GRIA2: variants seen among roughly 807,000 people sequenced by gnomAD.
GRIA2 encodes the protein glutamate receptor 2.
In GRIA2, 14 loss-of-function variants were observed where a neutral mutation model predicts 97.3. The observed-to-expected ratio is 0.14, with a 90% CI of 0.10 to 0.23. GRIA2 has a LOEUF of 0.23. GRIA2 is among the 10% of genes least tolerant of loss of function. The pLI is 1.00. For missense variants in GRIA2, 558 were observed against 1,069.8 expected (o/e 0.52, Z 6.67); for synonymous variants, 412 against 387.8 (o/e 1.06, Z -0.73).
chr4:157,297,825 G>T (rs566630168), intron 2 of GRIA2, among the ~76,000 whole-genome samples: 2 of 151,704 alleles, frequency 1.3e-5, no homozygotes, highest in Non-Finnish European at 2.9e-5. Context: ...GTTCATGAAA[G>T]AATTGAATAT....
At chr4:157,228,049 C>T (rs1057470057) in intron 2 of GRIA2, among the ~76,000 whole-genome samples, 4 of 152,134 alleles carry the variant, frequency 2.6e-5, no homozygotes, top group Non-Finnish European at 5.9e-5. Context: ...ATAATTTTAA[C>T]TTATAGAATG....
At chr4:157,333,601 G>A (rs1163516589) in intron 8 of GRIA2, among the ~76,000 whole-genome samples, 2 of 152,006 alleles carry the variant, frequency 1.3e-5, no homozygotes, top group Non-Finnish European at 2.9e-5. Flanking sequence ...TGAAGGGGAA[G>A]TCTTTAATGA....
intron 2 of GRIA2, among the ~76,000 whole-genome samples, chr4:157,296,978 A>C (rs934313163): frequency 6.6e-6 from 1 of 152,196 alleles, no homozygotes; most frequent in Non-Finnish European, 1.5e-5. Flanking sequence ...CTTGTAATTC[A>C]GACCACACAG....
intron 9 of GRIA2, chr4:157,335,361 A>T: frequency 3.0e-6 from 1 of 337,410 alleles, no homozygotes. Flanking sequence ...GAGCAGTAAT[A>T]TTTTGCTCTA....
At chr4:157,332,480 A>G (rs1369225765) in intron 6 of GRIA2, among the ~76,000 whole-genome samples, 2 of 151,960 alleles carry the variant, frequency 1.3e-5, no homozygotes, top group African/African-American at 4.8e-5. Flanking sequence ...AGTTTTGTAT[A>G]TCACCATAGC....
intron 2 of GRIA2, among the ~76,000 whole-genome samples, chr4:157,242,145 A>G (rs1730538263): frequency 6.6e-6 from 1 of 152,078 alleles, no homozygotes; most frequent in Non-Finnish European, 1.5e-5. Flanking sequence ...TATCTTCAGC[A>G]TATGGTTTTG....
At chr4:157,260,045 T>A (rs1481830409) in intron 2 of GRIA2, among the ~76,000 whole-genome samples, 1 of 152,150 alleles carries the variant, frequency 6.6e-6, no homozygotes, top group East Asian at 1.9e-4. Flanking sequence ...ATTGTCCTTT[T>A]TTCTTGTAAA....
chr4:157,360,172 A>C, intron 13 of GRIA2, 29 bp downstream of exon 13: 1 of 1,602,486 alleles, frequency 6.2e-7, no homozygotes, highest in Non-Finnish European at 8.5e-7. Context: ...CAATATGCTA[A>C]ATGTTGTTAT....
In GRIA2 at chr4:157,341,551, T is replaced by C; in HGVS notation, c.2043+89T>C. 3.4e-6 allele frequency: 3 copies of C among 876,602 alleles called. No homozygotes were observed. In the South Asian group the frequency reaches 4.3e-5, roughly 13 times the overall value. The allele number at this position is 876,602 out of a possible 1,614,324, so 54.3% of individuals were successfully genotyped here. ...TTCCCTCCCATAGTCAATTCCAAGG[T>C]ACTATGTGAAAGCACCCCTAATTCT... On this transcript the variant is annotated intron_variant, in intron 12 of 15. Coordinates refer to ENST00000264426, the MANE Select transcript of GRIA2 (RefSeq NM_001083619.3).
intron 11 of GRIA2, among the ~76,000 whole-genome samples, chr4:157,337,102 G>T (rs1735318812): frequency 6.6e-6 from 1 of 151,800 alleles, no homozygotes; most frequent in African/African-American, 2.4e-5. Flanking sequence ...TGGGAAAATG[G>T]GCAACATTAT....
At chr4:157,221,493 AC>A (rs1729490879) in intron 1 of GRIA2, 173 bp from the exon 2 acceptor site, 4 of 659,032 alleles carry the variant, frequency 6.1e-6, no homozygotes, top group Non-Finnish European at 1.0e-5. Context: ...CTGGGTCTTG[AC>A]CCCTTGGCTA....
chr4:157,316,571 A>G (rs138885561), intron 4 of GRIA2, among the ~76,000 whole-genome samples: 8 of 152,136 alleles, frequency 5.3e-5, no homozygotes, highest in Admixed American at 4.6e-4. Context: ...CCAAGCAGAC[A>G]AGCAGAGGAA....
chr4:157,271,099 GA>G (rs1219013645), intron 2 of GRIA2, among the ~76,000 whole-genome samples: 3 of 151,940 alleles, frequency 2.0e-5, no homozygotes, highest in Non-Finnish European at 4.4e-5. Flanking sequence ...ATTAAGAGAA[GA>G]AAAAACTCAT....
In GRIA2 at chr4:157,337,996, GTATATATATGTGTATATATATATATATA is replaced by G. The variant is rs1319225513; in HGVS notation, c.1844+1259_1844+1286del. On this transcript the variant is annotated intron_variant, in intron 11 of 15. Coordinates refer to ENST00000264426, the MANE Select transcript of GRIA2 (RefSeq NM_001083619.3). ...AATTTGCACAGCATGACATATGTGTGTATATATATGTGTATATATATATATATATATATATATATATATATATATATAT... is the reference window on the plus strand; with the variant it reads ...AATTTGCACAGCATGACATATGTGTGTATATATATATATATATATATATAT... 1.4e-3 allele frequency among the ~76,000 whole-genome samples: 179 copies of G among 126,084 alleles called. 1 individual carries two copies. The highest frequency in any genetic ancestry group is 2.1e-3 in the Non-Finnish European group (131 of 61,102). 82.7% of individuals were successfully genotyped at this position (126,084 alleles called of 152,430 possible). A position where few individuals can be genotyped will look rare whatever the true frequency, so the allele number is the denominator to read the frequency against.
At chr4:157,228,847 C>CCAA (rs1554005124) in intron 2 of GRIA2, among the ~76,000 whole-genome samples, 1 of 139,204 alleles carries the variant, frequency 7.2e-6, no homozygotes, top group Non-Finnish European at 1.6e-5. Flanking sequence ...CTCCCCCCAC[C>CCAA]AAAAAAAAAC....
chr4:157,274,048 A>T (rs1732161564), intron 2 of GRIA2, among the ~76,000 whole-genome samples: 2 of 152,108 alleles, frequency 1.3e-5, no homozygotes, highest in South Asian at 4.1e-4. Context: ...CCATGTAAAC[A>T]AGAGGAGAGT....
At chr4:157,254,277 C>T (rs1453802702) in intron 2 of GRIA2, among the ~76,000 whole-genome samples, 1 of 151,856 alleles carries the variant, frequency 6.6e-6, no homozygotes, top group Non-Finnish European at 1.5e-5. Context: ...ATAGAAGCAT[C>T]GTTTTAAAGT....
intron 2 of GRIA2, among the ~76,000 whole-genome samples, chr4:157,289,350 A>C (rs1732989890): frequency 1.3e-5 from 2 of 151,888 alleles, no homozygotes; most frequent in Admixed American, 1.3e-4. Flanking sequence ...GTGCCCCCAA[A>C]TGTTACATTT....
intron 2 of GRIA2, among the ~76,000 whole-genome samples, chr4:157,280,005 G>A (rs1406280823): frequency 6.6e-6 from 1 of 152,024 alleles, no homozygotes; most frequent in African/African-American, 2.4e-5. Flanking sequence ...TGCACCTGTA[G>A]TCCCAGATAC....
Sources: allele counts gnomAD v4.1 joint callset (sites outside exome capture counted in the v4.1 genomes callset), GRCh38; gene constraint gnomAD v4.1.1; transcripts MANE v1.5; gene names NCBI Gene and HGNC (gene_info 2026-07-23, HGNC 2026-07-21).